SEMA6D: variants seen among roughly 807,000 people sequenced by gnomAD.
The protein encoded by SEMA6D is semaphorin 6D.
In SEMA6D, 35 loss-of-function variants were observed where a neutral mutation model predicts 106.6. The observed-to-expected ratio is 0.33, with a 90% CI of 0.25 to 0.44. The LOEUF (loss-of-function observed/expected upper bound fraction) is 0.44. SEMA6D is among the 20% of genes least tolerant of loss of function. SEMA6D has a pLI of 1.00. For missense variants in SEMA6D, 1,185 were observed against 1,345.9 expected (o/e 0.88, Z 1.87); for synonymous variants, 499 against 487.7 (o/e 1.02, Z -0.31).
chr15:47,634,280 C>T (rs1398266837), intron 4 of SEMA6D, among the ~76,000 whole-genome samples: 1 of 152,166 alleles, frequency 6.6e-6, no homozygotes. Context: ...CCACTTGGTG[C>T]TGCTGACCCT....
At chr15:47,466,210 A>G (rs2042653728) in intron 2 of SEMA6D, among the ~76,000 whole-genome samples, 1 of 152,116 alleles carries the variant, frequency 6.6e-6, no homozygotes, top group Admixed American at 6.6e-5. Context: ...CAAGGATGCA[A>G]TACATTATTA....
chr15:47,761,928 A>G (rs2082080929), intron 7 of SEMA6D, among the ~76,000 whole-genome samples, 177 bp downstream of exon 7: 2 of 152,224 alleles, frequency 1.3e-5, no homozygotes, highest in Admixed American at 6.5e-5. Context: ...AGGATATTTC[A>G]GTGCACACTA....
At chr15:47,409,366 G>A (rs1161779435) in intron 1 of SEMA6D, among the ~76,000 whole-genome samples, 1 of 152,162 alleles carries the variant, frequency 6.6e-6, no homozygotes, top group Non-Finnish European at 1.5e-5. Flanking sequence ...TGGAAACAGA[G>A]CTTTAGAAAC....
chr15:47,191,687 A>G (rs1452779401), intron 1 of SEMA6D, among the ~76,000 whole-genome samples: 1 of 152,238 alleles, frequency 6.6e-6, no homozygotes, highest in Non-Finnish European at 1.5e-5. Flanking sequence ...AATGTATCAA[A>G]TAAATGTGTA....
At chr15:47,616,445 C>T (rs189677063) in intron 4 of SEMA6D, among the ~76,000 whole-genome samples, 52 of 152,270 alleles carry the variant, frequency 3.4e-4, no homozygotes, top group Admixed American at 1.6e-3. Context: ...GCTGGAATTA[C>T]ATGTGTGAGC....
chr15:47,211,160 ACTCT>A (rs1427340687), intron 1 of SEMA6D, among the ~76,000 whole-genome samples: 11 of 152,048 alleles, frequency 7.2e-5, no homozygotes, highest in African/African-American at 2.2e-4. Flanking sequence ...ATCTATCTAT[ACTCT>A]CTCTCTATTT....
intron 4 of SEMA6D, among the ~76,000 whole-genome samples, chr15:47,657,114 A>AAAATT (rs2077812763): frequency 6.6e-6 from 1 of 152,146 alleles, no homozygotes; most frequent in Admixed American, 6.5e-5. Context: ...AAGAAATTGT[A>AAAATT]CAGTTTGATT....
At chr15:47,389,428 GA>G (rs35391193) in intron 1 of SEMA6D, among the ~76,000 whole-genome samples, 20 of 146,458 alleles carry the variant, frequency 1.4e-4, no homozygotes, top group Admixed American at 8.2e-4. Context: ...GAACTCTGGA[GA>G]AAAAAAAAAG....
intron 1 of SEMA6D, among the ~76,000 whole-genome samples, chr15:47,257,484 G>A (rs1355306624): frequency 6.6e-6 from 1 of 152,056 alleles, no homozygotes; most frequent in East Asian, 1.9e-4. Flanking sequence ...CACATATTTT[G>A]ATATGTTCTA....
intron 1 of SEMA6D, among the ~76,000 whole-genome samples, chr15:47,373,055 C>T (rs570600018): frequency 6.6e-6 from 1 of 152,354 alleles, no homozygotes; most frequent in Non-Finnish European, 1.5e-5. Flanking sequence ...CTCTGCCTGG[C>T]TTTCAGAGAG....
chr15:47,255,893 A>C (rs946040626), intron 1 of SEMA6D, among the ~76,000 whole-genome samples: 1 of 152,170 alleles, frequency 6.6e-6, no homozygotes, highest in African/African-American at 2.4e-5. Context: ...TTGAGGTTCA[A>C]AATGAACCTG....
intron 2 of SEMA6D, among the ~76,000 whole-genome samples, chr15:47,417,600 A>T (rs1411102441): frequency 6.6e-6 from 1 of 152,010 alleles, no homozygotes; most frequent in African/African-American, 2.4e-5. Context: ...ATTGTTCAGG[A>T]TTTGTATTAA....
At chr15:47,271,051 C>A (rs1206028061) in intron 1 of SEMA6D, among the ~76,000 whole-genome samples, 1 of 152,182 alleles carries the variant, frequency 6.6e-6, no homozygotes, top group Non-Finnish European at 1.5e-5. Flanking sequence ...TGCTTATTTA[C>A]AGTCCTCATT....
chr15:47,720,444 G>C (rs1177844038), intron 1 of SEMA6D, among the ~76,000 whole-genome samples: 1 of 151,836 alleles, frequency 6.6e-6, no homozygotes, highest in African/African-American at 2.4e-5. Flanking sequence ...AGCACCATCT[G>C]GTCATGTCTC....
intron 3 of SEMA6D, among the ~76,000 whole-genome samples, chr15:47,529,464 C>G (rs1244409318): frequency 6.6e-6 from 1 of 152,036 alleles, no homozygotes; most frequent in Non-Finnish European, 1.5e-5. Flanking sequence ...AGGGGAGGCT[C>G]AAAGTAGGGA....
intron 3 of SEMA6D, among the ~76,000 whole-genome samples, chr15:47,595,946 G>A (rs1280751403): frequency 6.6e-6 from 1 of 151,972 alleles, no homozygotes; most frequent in Non-Finnish European, 1.5e-5. Context: ...CCTTGCCAGA[G>A]TAATTAAGCA....
intron 4 of SEMA6D, among the ~76,000 whole-genome samples, chr15:47,625,792 G>A (rs968659816): frequency 1.3e-5 from 2 of 151,894 alleles, no homozygotes; most frequent in African/African-American, 2.4e-5. Flanking sequence ...GCATGATTAC[G>A]TACTGTTAAA....
At chr15:47,561,538 G>C (rs1056884946) in intron 3 of SEMA6D, among the ~76,000 whole-genome samples, 4 of 150,982 alleles carry the variant, frequency 2.6e-5, no homozygotes, top group African/African-American at 9.7e-5. Flanking sequence ...CAAATCCTAA[G>C]AAAAAAACTG....
intron 1 of SEMA6D, among the ~76,000 whole-genome samples, chr15:47,253,414 A>T (rs2033628020): frequency 6.6e-6 from 1 of 152,086 alleles, no homozygotes; most frequent in African/African-American, 2.4e-5. Context: ...TTGTGGTTCT[A>T]TTCAAAACAA....
Sources: gnomAD v4.1 joint callset for allele counts (sites outside exome capture counted in the v4.1 genomes callset) on GRCh38, gnomAD v4.1.1 for gene constraint, MANE v1.5 for transcripts, NCBI Gene and HGNC (gene_info 2026-07-23, HGNC 2026-07-21) for gene names.